ZBTB20: variants seen among roughly 807,000 people sequenced by gnomAD.
The protein encoded by ZBTB20 is zinc finger and BTB domain containing 20, also known as zinc finger and BTB domain-containing protein 20.
A neutral mutation model predicts 56.9 loss-of-function variants in ZBTB20; 9 were observed. That is an observed-to-expected ratio of 0.16 (90% confidence interval 0.10 to 0.28). The LOEUF (loss-of-function observed/expected upper bound fraction) is 0.28. Ranked by LOEUF, ZBTB20 falls within the 10% of genes least tolerant of loss-of-function variation. The pLI, the probability that ZBTB20 is intolerant of heterozygous loss-of-function variation, is 1.00. For synonymous variants in ZBTB20, 417 were observed against 420.7 expected (o/e 0.99, Z 0.11); for missense variants, 655 against 1,003.0 (o/e 0.65, Z 4.69).
intron 6 of ZBTB20, among the ~76,000 whole-genome samples, chr3:114,574,066 G>A (rs2053737916): frequency 6.6e-6 from 1 of 151,778 alleles, no homozygotes; most frequent in African/African-American, 2.4e-5. Context: ...ATTTTTAGTT[G>A]TGTTATTTTA....
intron 11 of ZBTB20, among the ~76,000 whole-genome samples, chr3:114,345,495 G>C (rs1025766824): frequency 6.6e-6 from 1 of 152,122 alleles, no homozygotes; most frequent in Non-Finnish European, 1.5e-5. Context: ...ATCAAGCTTT[G>C]ATCCATAATT....
chr3:114,704,954 C>T (rs1209564031), intron 5 of ZBTB20, among the ~76,000 whole-genome samples: 1 of 152,102 alleles, frequency 6.6e-6, no homozygotes, highest in Non-Finnish European at 1.5e-5. Flanking sequence ...AAACAACATT[C>T]ACTCAGGGTC....
intron 1 of ZBTB20, among the ~76,000 whole-genome samples, chr3:115,144,194 G>A (rs1174147443): frequency 4.6e-5 from 7 of 152,130 alleles, no homozygotes; most frequent in Admixed American, 4.6e-4. Flanking sequence ...ATTCTGTGAA[G>A]TTATTCAAAA....
chr3:114,977,751 C>T (rs566650254), intron 2 of ZBTB20, among the ~76,000 whole-genome samples: 4 of 152,104 alleles, frequency 2.6e-5, no homozygotes, highest in African/African-American at 9.6e-5. Flanking sequence ...AAAGTACATA[C>T]ACAGTGGTAT....
intron 6 of ZBTB20, among the ~76,000 whole-genome samples, chr3:114,543,000 A>T (rs2049297491): frequency 6.6e-6 from 1 of 152,176 alleles, no homozygotes; most frequent in Non-Finnish European, 1.5e-5. Context: ...TCTCATACAC[A>T]TATAATATCC....
chr3:115,046,388 TTAA>T (rs1182764748), intron 2 of ZBTB20, among the ~76,000 whole-genome samples: 1 of 152,178 alleles, frequency 6.6e-6, no homozygotes, highest in Non-Finnish European at 1.5e-5. Context: ...TTAAATGGGC[TTAA>T]TAATGTGGCA....
intron 6 of ZBTB20, among the ~76,000 whole-genome samples, chr3:114,514,134 A>G (rs2045716111): frequency 6.6e-6 from 1 of 152,174 alleles, no homozygotes; most frequent in South Asian, 2.1e-4. Context: ...TGCTAGAGCT[A>G]TAACAGAATC....
At chr3:114,994,585 A>G (rs1393066038) in intron 2 of ZBTB20, among the ~76,000 whole-genome samples, 1 of 151,976 alleles carries the variant, frequency 6.6e-6, no homozygotes, top group Non-Finnish European at 1.5e-5. Context: ...TAGAAATAAT[A>G]AACACAAATT....
chr3:114,682,499 C>G (rs1036094961), intron 6 of ZBTB20, among the ~76,000 whole-genome samples: 1 of 152,110 alleles, frequency 6.6e-6, no homozygotes, highest in Non-Finnish European at 1.5e-5. Context: ...GAATAGAATT[C>G]GCACTCTTCA....
At chr3:114,952,964 G>A (rs1418448579) in intron 3 of ZBTB20, among the ~76,000 whole-genome samples, 4 of 151,942 alleles carry the variant, frequency 2.6e-5, no homozygotes, top group Admixed American at 2.0e-4. Flanking sequence ...TATAAGAAAC[G>A]ATTATTCTTT....
intron 5 of ZBTB20, among the ~76,000 whole-genome samples, chr3:114,765,733 T>C (rs779859442): frequency 6.6e-6 from 1 of 152,142 alleles, no homozygotes; most frequent in Non-Finnish European, 1.5e-5. Flanking sequence ...TTGAAAAATA[T>C]AAGATTCATT....
At chr3:114,591,145 T>C (rs1161272569) in intron 6 of ZBTB20, among the ~76,000 whole-genome samples, 1 of 152,242 alleles carries the variant, frequency 6.6e-6, no homozygotes, top group East Asian at 1.9e-4. Context: ...TTCCAAAATG[T>C]TAAATTTAAA....
intron 4 of ZBTB20, among the ~76,000 whole-genome samples, chr3:114,806,385 T>C (rs536912339): frequency 6.6e-6 from 1 of 152,100 alleles, no homozygotes; most frequent in East Asian, 1.9e-4. Flanking sequence ...CTTCATCTTC[T>C]TTGGTGAATA....
At chr3:114,524,198 A>G (rs2046963227) in intron 6 of ZBTB20, among the ~76,000 whole-genome samples, 2 of 152,212 alleles carry the variant, frequency 1.3e-5, no homozygotes, top group South Asian at 4.1e-4. Flanking sequence ...AGTGGGTTTA[A>G]GGAATTGGTG....
rs563456998 is a variant in ZBTB20, at chr3:114,404,679, GC to G, written c.-254-15575del. ...TCAGTGCATCCTCAAAGCCAAGAAG[GC>G]CCAGAGCCTGCCGAGCTAGCTTTAC... On this transcript the variant is annotated intron_variant, in intron 7 of 11. Transcript: ENST00000675478. Among the ~76,000 whole-genome samples the G allele has an allele frequency of 2.0e-3, 297 of 152,140 alleles. 2 individuals carry two copies. Among genetic ancestry groups the G allele is most frequent in the Middle Eastern group, 0.01 (3 of 294 alleles).
intron 10 of ZBTB20, chr3:114,367,112 T>C (rs1388308774): frequency 6.6e-6 from 1 of 152,258 alleles, no homozygotes; most frequent in Non-Finnish European, 1.5e-5. Flanking sequence ...TTTGCCCTCT[T>C]CGGGTATCCC....
chr3:115,135,605 T>C (rs986639928), intron 1 of ZBTB20, among the ~76,000 whole-genome samples: 10 of 152,176 alleles, frequency 6.6e-5, no homozygotes, highest in African/African-American at 2.2e-4. Flanking sequence ...GAAAGACAAA[T>C]TATGACTTTA....
intron 1 of ZBTB20, among the ~76,000 whole-genome samples, chr3:115,121,912 C>A (rs1379866310): frequency 6.6e-6 from 1 of 151,944 alleles, no homozygotes; most frequent in Non-Finnish European, 1.5e-5. Flanking sequence ...TGAGAAAGAT[C>A]TCCTCATTTT....
chr3:114,747,450 C>T (rs1017523176), intron 5 of ZBTB20, among the ~76,000 whole-genome samples: 1 of 151,838 alleles, frequency 6.6e-6, no homozygotes, highest in African/African-American at 2.4e-5. Context: ...ACCTGTAATC[C>T]CAGTTCGGGA....
Sources: allele counts gnomAD v4.1 joint callset (sites outside exome capture counted in the v4.1 genomes callset), GRCh38; gene constraint gnomAD v4.1.1; transcripts MANE v1.5; gene names NCBI Gene and HGNC (gene_info 2026-07-23, HGNC 2026-07-21).